NOP9: variants seen among roughly 807,000 people sequenced by gnomAD.
NOP9 encodes the protein nucleolar protein 9.
Under a neutral mutation model 63.0 loss-of-function variants are expected in NOP9, and 50 were observed. That is an observed-to-expected ratio of 0.79 (90% confidence interval 0.63 to 1.00). NOP9 has a LOEUF of 1.00. Ranked by LOEUF, NOP9 falls within the 50% of genes least tolerant of loss-of-function variation. The pLI is 0.00. For synonymous variants in NOP9, 343 were observed against 332.8 expected, an observed-to-expected ratio of 1.03 and a Z score of -0.33; for missense variants, 758 against 803.0, an observed-to-expected ratio of 0.94 and a Z score of 0.68.
At chr14:24,272,523 G>C in the NOP9 span, among the ~76,000 whole-genome samples, 1 of 152,178 alleles carries the variant, frequency 6.6e-6, no homozygotes, top group African/African-American at 2.4e-5. Context: ...TCTCCAGATT[G>C]TTGAAAGTCT....
chr14:24,306,299 G>T lies in NOP9; in HGVS notation c.*1204G>T. ...TCCTGCACCTGGTCCCCAGGATCAG[G>T]GTTAAGCTAGAGAGGAAGCCCGGGA... On this transcript the variant is annotated 3_prime_UTR_variant, in exon 10 of 10. Coordinates refer to ENST00000267425, the MANE Select transcript of NOP9 (RefSeq NM_174913.3). 1 of 1,593,540 alleles carries T rather than the reference G, an allele frequency of 6.3e-7. No individual in the cohort carries two copies. The highest frequency in any genetic ancestry group is 8.6e-7 in the Non-Finnish European group (1 of 1,163,566).
At position 24,302,264 on chromosome 14, in the gene NOP9, G is replaced by T; in HGVS notation, c.983G>T (p.Ser328Ile). Residue 328 changes from serine (S) to isoleucine (I), a missense_variant, in exon 5 of 10, where the codon AGT becomes ATT. Transcript: ENST00000267425. ...CTGCTATTTCTCCGAGATCAGACGA[G>T]TTCCAGACTCCTGGAGCAGGTCCTG... ...PLLLFLRDQTSSRLLEQVLLV... is the reference protein window; with the variant it reads ...PLLLFLRDQTISRLLEQVLLV... 3 of 1,613,834 alleles carry T rather than the reference G, an allele frequency of 1.9e-6. No homozygotes were observed. The highest frequency in any genetic ancestry group is 2.5e-6 in the Non-Finnish European group (3 of 1,179,738).
In NOP9 at chr14:24,305,919, G is replaced by A; in HGVS notation, c.*824G>A. The A allele has an allele frequency of 4.4e-6, 7 of 1,603,716 alleles. No homozygotes were observed. The highest frequency in any genetic ancestry group is 6.0e-6 in the Non-Finnish European group (7 of 1,173,516). On this transcript the variant is annotated 3_prime_UTR_variant, in exon 10 of 10. Coordinates refer to ENST00000267425, the MANE Select transcript of NOP9 (RefSeq NM_174913.3). ...TGGGGACTATCCAACTGTAGGGGAT[G>A]GGGCAGTATGACATGTTGATTTCTG...
At chr14:24,273,978 A>G in the NOP9 span, among the ~76,000 whole-genome samples, 3 of 152,238 alleles carry the variant, frequency 2.0e-5, no homozygotes, top group Non-Finnish European at 4.4e-5. Context: ...AGTGCTTAGA[A>G]TAGTGTCTGT....
the NOP9 span, chr14:24,291,962 G>T: frequency 1.6e-6 from 1 of 631,516 alleles, no homozygotes; most frequent in Non-Finnish European, 2.7e-6. Context: ...GGACATATGT[G>T]ACCTTCAACA....
the NOP9 span, among the ~76,000 whole-genome samples, chr14:24,286,030 T>A: frequency 6.6e-6 from 1 of 152,118 alleles, no homozygotes; most frequent in Admixed American, 6.5e-5. Context: ...CTCTTCTTCT[T>A]TCCCTGGGCT....
At chr14:24,281,883 C>G in the NOP9 span, among the ~76,000 whole-genome samples, 2 of 152,134 alleles carry the variant, frequency 1.3e-5, no homozygotes, top group Non-Finnish European at 2.9e-5. Flanking sequence ...CCAACCCTTC[C>G]TCTACCCAAA....
chr14:24,292,294 G>T, the NOP9 span: 1 of 1,613,974 alleles, frequency 6.2e-7, no homozygotes, highest in East Asian at 2.2e-5. Flanking sequence ...CCATGGCGCC[G>T]CAGCTCGTGG....
the NOP9 span, among the ~76,000 whole-genome samples, chr14:24,287,939 C>T: frequency 1.3e-5 from 2 of 152,340 alleles, no homozygotes; most frequent in East Asian, 3.9e-4. Flanking sequence ...TGTCCTAGTG[C>T]TCTCTAGTGT....
At chr14:24,298,292 T>G (rs914091838), upstream of NOP9, among the ~76,000 whole-genome samples, 4 of 152,222 alleles carry the variant, frequency 2.6e-5, no homozygotes, top group African/African-American at 7.2e-5. Context: ...CCTCAAGTGA[T>G]CTTGCTGCCT....
At chr14:24,271,236 G>A in the NOP9 span, 1 of 1,310,318 alleles carries the variant, frequency 7.6e-7, no homozygotes, top group Non-Finnish European at 1.0e-6. Context: ...GTGTCCGGAA[G>A]CAGCAAGCGT....
rs2041536687 is a variant in NOP9 at position 24,307,168 on chromosome 14, A to T, written c.*2073A>T. 1 of 489,910 alleles carries T rather than the reference A, an allele frequency of 2.0e-6. No homozygotes were observed. The highest frequency in any genetic ancestry group is 3.6e-6 in the Non-Finnish European group (1 of 276,902). The allele number at this position is 489,910 out of a possible 1,614,324, so 30.3% of individuals were successfully genotyped here. A position where few individuals can be genotyped will look rare whatever the true frequency, so the allele number is the denominator to read the frequency against. On this transcript the variant is annotated 3_prime_UTR_variant, in exon 10 of 10. Coordinates refer to ENST00000267425, the MANE Select transcript of NOP9 (RefSeq NM_174913.3). Reference sequence around the variant, plus strand: ...CTCGAACTCTCCCTATCTCCTGCTAACCCCTGCTCCCATAGAAAAGCTCAC... The same window carrying T: ...CTCGAACTCTCCCTATCTCCTGCTATCCCCTGCTCCCATAGAAAAGCTCAC...
rs760795055 is a variant in NOP9, at chr14:24,305,640, G to A, written c.*545G>A. ...GCAGAAGCTCAGAGCCCCTTAGTAG[G>A]AATGGAGGCGGCCCTTCTGCTGCCA... On this transcript the variant is annotated 3_prime_UTR_variant, in exon 10 of 10. Coordinates refer to ENST00000267425, the MANE Select transcript of NOP9 (RefSeq NM_174913.3). 5.6e-5 allele frequency: 91 copies of A among 1,612,864 alleles called. No homozygotes were observed. The highest frequency in any genetic ancestry group is 3.3e-4 in the Middle Eastern group (2 of 6,050).
At chr14:24,301,127 C>T (rs1230503232) in intron 2 of NOP9, among the ~76,000 whole-genome samples, 2 of 152,050 alleles carry the variant, frequency 1.3e-5, no homozygotes, top group Non-Finnish European at 2.9e-5. Flanking sequence ...TACAAATGGA[C>T]TTAAGCAAAA....
chr14:24,303,079 C>A lies in NOP9; in HGVS notation c.1149C>A (p.Ser383=), dbSNP rs771766510. ...CATTCCATGTTTCCCATCAGCTGTC[C>A]CCTGTGTTTGAGGAGCTGAGCCCTG... ...LDAVTTPELL[S]PVFEELSPVL... The change falls in exon 6 of 10, where the codon TCC becomes TCA. Residue 383 remains serine (S), a synonymous_variant. Coordinates refer to ENST00000267425, the MANE Select transcript of NOP9 (RefSeq NM_174913.3). The A allele has an allele frequency of 2.0e-6, 3 of 1,534,880 alleles. No homozygotes were observed. Among genetic ancestry groups the A allele is most frequent in the South Asian group, 2.5e-5 (2 of 80,036 alleles).
chr14:24,303,595 A>G lies in NOP9; in HGVS notation c.1285-137A>G, dbSNP rs951585182. The G allele has an allele frequency of 6.0e-6, 5 of 834,118 alleles. No individual in the cohort carries two copies. In the African/African-American group the frequency reaches 6.7e-5, roughly 11 times the overall value. 51.7% of individuals were successfully genotyped at this position (834,118 alleles called of 1,614,324 possible). A position where few individuals can be genotyped will look rare whatever the true frequency, so the allele number is the denominator to read the frequency against. On this transcript the variant is annotated intron_variant, in intron 6 of 9. Transcript: ENST00000267425. ...TGTGATAGAGGCTGGGGATACAGCA[A>G]GGCATGACATCTGCTTTCATGGAGC...
At chr14:24,303,384 TA>T (rs1054574039) in intron 6 of NOP9, among the ~76,000 whole-genome samples, 170 bp downstream of exon 6, 6 of 74,698 alleles carry the variant, frequency 8.0e-5, no homozygotes, top group African/African-American at 3.2e-4. Flanking sequence ...CATACCCAGC[TA>T]ATTTTTTTTT....
In NOP9 at chr14:24,306,027, G is replaced by A; in HGVS notation, c.*932G>A. ...CGTAGAATGTGGCTTTGACATTCAG[G>A]CTGCCAAAGAGGTCTCGAGGGTTTT... On this transcript the variant is annotated 3_prime_UTR_variant, in exon 10 of 10. Coordinates refer to ENST00000267425, the MANE Select transcript of NOP9 (RefSeq NM_174913.3). 3.1e-6 allele frequency: 5 copies of A among 1,614,158 alleles called. No individual in the cohort carries two copies. Among genetic ancestry groups the A allele is most frequent in the Non-Finnish European group, 4.2e-6 (5 of 1,180,024 alleles).
chr14:24,275,148 GT>G, the NOP9 span, among the ~76,000 whole-genome samples: 1 of 151,602 alleles, frequency 6.6e-6, no homozygotes, highest in African/African-American at 2.4e-5. Flanking sequence ...CCGACCTCAG[GT>G]GAGCTGCCTG....
Sources: gnomAD v4.1 joint callset for allele counts (sites outside exome capture counted in the v4.1 genomes callset) on GRCh38, gnomAD v4.1.1 for gene constraint, MANE v1.5 for transcripts, NCBI Gene and HGNC (gene_info 2026-07-23, HGNC 2026-07-21) for gene names.